Variants in CTNNBIP1 observed in about 807,000 individuals in gnomAD.
CTNNBIP1 encodes catenin beta interacting protein 1.
Under a neutral mutation model 11.8 loss-of-function variants are expected in CTNNBIP1, and 7 were observed. The ratio of observed to expected loss-of-function variants is 0.60; its 90% confidence interval spans 0.34 to 1.12. CTNNBIP1 has a LOEUF of 1.12. Ranked by LOEUF, CTNNBIP1 falls within the 50% of genes most tolerant of loss-of-function variation. The pLI, the probability that CTNNBIP1 is intolerant of heterozygous loss-of-function variation, is 0.03. For synonymous variants in CTNNBIP1, 58 were observed against 43.9 expected (o/e 1.32, Z -1.26); for missense variants, 101 against 113.4 (o/e 0.89, Z 0.50).
At chr1:9,908,875 G>A (rs888304227) in intron 1 of CTNNBIP1, among the ~76,000 whole-genome samples, 2 of 152,150 alleles carry the variant, frequency 1.3e-5, no homozygotes, top group Non-Finnish European at 2.9e-5. Context: ...GCTCACTACT[G>A]AATGAATGAA....
In CTNNBIP1 at chr1:9,850,737, G is replaced by C. The variant is rs199900946; in HGVS notation, c.227C>G (p.Thr76Arg). ...TTGCAGCTACTGCCTCCGGTCTTCC[G>C]TCTCCGACCTGGAAAACGCCATCAC... The part of the protein sequence containing the change: ...DVVMAFSRSE[T>R]EDRRQ The change falls in exon 6 of 6, where the codon ACG becomes AGG. Residue 76 changes from threonine (T) to arginine (R), a missense_variant. Coordinates refer to ENST00000377263, the MANE Select transcript of CTNNBIP1 (RefSeq NM_020248.3). 6.2e-7 allele frequency: 1 copy of C among 1,613,864 alleles called. No homozygotes were observed. The highest frequency in any genetic ancestry group is 1.1e-5 in the South Asian group (1 of 91,076).
intron 5 of CTNNBIP1, among the ~76,000 whole-genome samples, chr1:9,869,960 T>TGGGCAGACACACCC (rs1553189495): frequency 6.6e-6 from 1 of 152,238 alleles, no homozygotes; most frequent in Non-Finnish European, 1.5e-5. Context: ...GAGGCACACC[T>TGGGCAGACACACCC]GGGCAGACAC....
intron 2 of CTNNBIP1, 176 bp from the exon 3 acceptor site, chr1:9,878,165 C>T (rs151147798): frequency 3.3e-4 from 51 of 152,372 alleles, no homozygotes; most frequent in African/African-American, 1.2e-3. Flanking sequence ...GCCCAGGAAA[C>T]CTGCACCCAC....
At position 9,860,618 on chromosome 1, in the gene CTNNBIP1, C is replaced by CAA. The variant is rs35598626; in HGVS notation, c.188-9844_188-9843dup. On this transcript the variant is annotated intron_variant, in intron 5 of 5. Coordinates refer to ENST00000377263, the MANE Select transcript of CTNNBIP1 (RefSeq NM_020248.3). ...GGCAACAGAGCAAGACTTCATCTCT[C>CAA]AAAAAAAAAAAAAAAAAGAAAAAAG... is the stretch of plus-strand genomic sequence containing the variant. Among the ~76,000 whole-genome samples, 642 of 101,054 alleles carry CAA rather than the reference C, an allele frequency of 6.4e-3. 6 individuals are homozygous for CAA. Among genetic ancestry groups the CAA allele is most frequent in the African/African-American group, 0.017 (510 of 29,160 alleles). The allele number at this position is 101,054 out of a possible 152,430, so 66.3% of individuals were successfully genotyped here.
At chr1:9,852,413 A>G (rs1638410400) in intron 5 of CTNNBIP1, among the ~76,000 whole-genome samples, 1 of 152,188 alleles carries the variant, frequency 6.6e-6, no homozygotes. Context: ...CACAACCTCC[A>G]TTGCTCAGAA....
chr1:9,893,763 C>A (rs577477394), intron 1 of CTNNBIP1, among the ~76,000 whole-genome samples: 1 of 152,130 alleles, frequency 6.6e-6, no homozygotes, highest in Non-Finnish European at 1.5e-5. Flanking sequence ...TGTTAAAAAA[C>A]GAAAACAAAA....
At chr1:9,864,883 T>C (rs1477685805) in intron 5 of CTNNBIP1, among the ~76,000 whole-genome samples, 1 of 152,202 alleles carries the variant, frequency 6.6e-6, no homozygotes, top group Non-Finnish European at 1.5e-5. Flanking sequence ...CTGAAATACC[T>C]AACAGCCCAA....
Position 9,875,453 on chromosome 1 carries a change from C to A in CTNNBIP1, c.-25+2452G>T, listed in dbSNP as rs141838239. Among the ~76,000 whole-genome samples, 1,010 of 152,304 alleles carry A rather than the reference C, an allele frequency of 6.6e-3. 14 individuals carry two copies. Among genetic ancestry groups the A allele is most frequent in the African/African-American group, 0.023 (951 of 41,572 alleles). ...CCCTGTCCAACAAGCCTTCTATGAACAGCTCGCACTGATAGGTGCCGCCCC... is the reference window on the plus strand; with the variant it reads ...CCCTGTCCAACAAGCCTTCTATGAAAAGCTCGCACTGATAGGTGCCGCCCC... On this transcript the variant is annotated intron_variant, in intron 3 of 5. Coordinates refer to ENST00000377263, the MANE Select transcript of CTNNBIP1 (RefSeq NM_020248.3).
chr1:9,908,415 C>A (rs1360221952), intron 1 of CTNNBIP1, among the ~76,000 whole-genome samples: 1 of 146,326 alleles, frequency 6.8e-6, no homozygotes, highest in African/African-American at 2.6e-5. Flanking sequence ...GCTCTGTCGC[C>A]CAGACTGGAG....
In CTNNBIP1 at chr1:9,887,474, T is replaced by G. The variant is rs1305697225; in HGVS notation, c.-143-3736A>C. Among the ~76,000 whole-genome samples, 3 of 152,124 alleles carry G rather than the reference T, an allele frequency of 2.0e-5. No individual in the cohort carries two copies. In the East Asian group the frequency reaches 5.8e-4, roughly 29 times the overall value. On this transcript the variant is annotated intron_variant, in intron 1 of 5. Coordinates refer to ENST00000377263, the MANE Select transcript of CTNNBIP1 (RefSeq NM_020248.3). ...GCTCACGCCTGTAACCCCAGCACTTTGGAAGGTGGAGGCGGGCAGATCAGG... is the reference window on the plus strand; with the variant it reads ...GCTCACGCCTGTAACCCCAGCACTTGGGAAGGTGGAGGCGGGCAGATCAGG...
At chr1:9,862,846 C>T (rs1294724441) in intron 5 of CTNNBIP1, among the ~76,000 whole-genome samples, 1 of 152,196 alleles carries the variant, frequency 6.6e-6, no homozygotes, top group Non-Finnish European at 1.5e-5. Flanking sequence ...GGGGTGGCAC[C>T]GTGCCTAGCA....
At chr1:9,881,200 AAT>A (rs1193110113) in intron 2 of CTNNBIP1, among the ~76,000 whole-genome samples, 6 of 151,552 alleles carry the variant, frequency 4.0e-5, no homozygotes, top group Non-Finnish European at 5.9e-5. Context: ...ATATCCGGCT[AAT>A]TTTTATATTT....
At chr1:9,863,202 C>T (rs1466856801) in intron 5 of CTNNBIP1, among the ~76,000 whole-genome samples, 1 of 152,164 alleles carries the variant, frequency 6.6e-6, no homozygotes, top group Non-Finnish European at 1.5e-5. Context: ...ATTGTTTTTC[C>T]CCCTTTTTCA....
rs202206155 is a variant in CTNNBIP1, at chr1:9,850,788, G to T, written c.188-12C>A. The T allele has an allele frequency of 4.9e-4, 794 of 1,613,678 alleles. 1 individual carries two copies. Among genetic ancestry groups the T allele is most frequent in the Non-Finnish European group, 6.0e-4 (705 of 1,179,706 alleles). ...CACGTCCTCTGCACCTGCAGATAAG[G>T]CGACAAGGATCGCTGATGGGGCTTG... On this transcript the variant is annotated splice_polypyrimidine_tract_variant and intron_variant, in intron 5 of 5. Transcript: ENST00000377263.
Position 9,866,194 on chromosome 1 carries a change from G to C in CTNNBIP1, c.187+4993C>G, listed in dbSNP as rs144524032. ...GCTGAGGTACATGCACATGTGACAG[G>C]AGGGCCTGGCCCAGGTTGCAGGGGG... On this transcript the variant is annotated intron_variant, in intron 5 of 5. Coordinates refer to ENST00000377263, the MANE Select transcript of CTNNBIP1 (RefSeq NM_020248.3). Among the ~76,000 whole-genome samples, 1,410 of 152,360 alleles carry C rather than the reference G, an allele frequency of 9.3e-3. 10 individuals carry two copies. The highest frequency in any genetic ancestry group is 0.016 in the Non-Finnish European group (1,073 of 68,032).
chr1:9,872,479 A>G lies in CTNNBIP1; in HGVS notation c.-24-391T>C, dbSNP rs966598140. Among the ~76,000 whole-genome samples, 1 of 152,248 alleles carries G rather than the reference A, an allele frequency of 6.6e-6. No individual in the cohort carries two copies. Among genetic ancestry groups the G allele is most frequent in the Non-Finnish European group, 1.5e-5 (1 of 68,044 alleles). ...CCCAAATGTCCCAGGTTTTCAGAAC[A>G]ACTTCCACAAGGGGCAAAAAAGTGA... On this transcript the variant is annotated intron_variant, in intron 3 of 5. Transcript: ENST00000377263. This position sits in a 1 kb window ranked among gnomAD's most constrained non-coding sequence, Gnocchi z 4.0.
At chr1:9,893,493 G>A (rs1044658369) in intron 1 of CTNNBIP1, among the ~76,000 whole-genome samples, 3 of 152,074 alleles carry the variant, frequency 2.0e-5, no homozygotes, top group South Asian at 2.1e-4. Flanking sequence ...CCAGGCCAAC[G>A]ACTCACCCAA....
chr1:9,888,850 G>C (rs1338371689), intron 1 of CTNNBIP1, among the ~76,000 whole-genome samples: 1 of 152,162 alleles, frequency 6.6e-6, no homozygotes, highest in Non-Finnish European at 1.5e-5. Flanking sequence ...TCCAGGTCCA[G>C]AGCTCTCTGA....
intron 2 of CTNNBIP1, among the ~76,000 whole-genome samples, chr1:9,881,630 C>T (rs933648087): frequency 2.6e-5 from 4 of 152,182 alleles, no homozygotes; most frequent in African/African-American, 7.2e-5. Context: ...TGAGCCACCA[C>T]GCTGGGCCCC....
Sources: gnomAD v4.1 joint callset for allele counts (sites outside exome capture counted in the v4.1 genomes callset) on GRCh38, gnomAD v4.1.1 for gene constraint, Gnocchi (gnomAD v3.1) non-coding constraint, MANE v1.5 for transcripts, NCBI Gene and HGNC (gene_info 2026-07-23, HGNC 2026-07-21) for gene names.